Variants in SOX5 observed in about 807,000 individuals in gnomAD.
SOX5 encodes the protein transcription factor SOX-5.
In SOX5, 9 loss-of-function variants were observed where a neutral mutation model predicts 92.0. The observed-to-expected ratio is 0.10, with a 90% CI of 0.06 to 0.17. SOX5 has a LOEUF of 0.17. SOX5 is among the 10% of genes least tolerant of loss of function. SOX5 has a pLI of 1.00. For synonymous variants in SOX5, 344 were observed against 336.3 expected, an observed-to-expected ratio of 1.02 and a Z score of -0.25; for missense variants, 642 against 944.5, an observed-to-expected ratio of 0.68 and a Z score of 4.20.
chr12:24,184,517 C>A (rs1054274478), intron 4 of SOX5, among the ~76,000 whole-genome samples: 3 of 152,036 alleles, frequency 2.0e-5, no homozygotes, highest in African/African-American at 7.2e-5. Flanking sequence ...GAATAAACAT[C>A]ATGTTACTTT....
chr12:23,807,866 T>C (rs2095808612), intron 3 of SOX5, among the ~76,000 whole-genome samples: 1 of 152,154 alleles, frequency 6.6e-6, no homozygotes, highest in East Asian at 1.9e-4. Flanking sequence ...CAGGCTGGTC[T>C]TGAACTCTTG....
At position 24,165,192 on chromosome 12, in the gene SOX5, A is replaced by G. The variant is rs1052035531; in HGVS notation, c.-2+48151T>C. On this transcript the variant is annotated intron_variant, in intron 4 of 4. Transcript: ENST00000446891. Reference sequence around the variant, plus strand: ...ATAATACCTATTATTAAATGTTTTGATATCATGTGTTCCCATGACAACATA... The same window carrying G: ...ATAATACCTATTATTAAATGTTTTGGTATCATGTGTTCCCATGACAACATA... 1.4e-4 allele frequency among the ~76,000 whole-genome samples: 21 copies of G among 152,200 alleles called. No individual in the cohort carries two copies. The East Asian group carries it at 3.9e-3, about 28-fold the overall frequency.
chr12:24,527,781 A>G (rs1298167794), intron 1 of SOX5, among the ~76,000 whole-genome samples: 1 of 152,358 alleles, frequency 6.6e-6, no homozygotes, highest in East Asian at 1.9e-4. Context: ...ACATAGCACT[A>G]GCTAGTTTGT....
intron 6 of SOX5, among the ~76,000 whole-genome samples, chr12:23,685,110 C>G (rs1566964107): frequency 6.6e-6 from 1 of 152,048 alleles, no homozygotes; most frequent in Non-Finnish European, 1.5e-5. Context: ...TCAAAGTTGT[C>G]TATAGTGAAC....
chr12:23,606,744 G>A (rs2075303634), intron 8 of SOX5, among the ~76,000 whole-genome samples: 1 of 151,676 alleles, frequency 6.6e-6, no homozygotes, highest in Non-Finnish European at 1.5e-5. Context: ...ACACATATTT[G>A]GAAATAAAAG....
chr12:24,157,975 G>C (rs539623196), intron 4 of SOX5, among the ~76,000 whole-genome samples: 3 of 152,098 alleles, frequency 2.0e-5, no homozygotes, highest in South Asian at 4.1e-4. Flanking sequence ...TACTATTTCA[G>C]AGTACCTCAT....
At chr12:24,075,660 A>T (rs1465190072) in intron 4 of SOX5, among the ~76,000 whole-genome samples, 1 of 151,964 alleles carries the variant, frequency 6.6e-6, no homozygotes, top group Non-Finnish European at 1.5e-5. Flanking sequence ...TTTTTTTTTA[A>T]AAAAGACATG....
intron 3 of SOX5, among the ~76,000 whole-genome samples, chr12:23,844,224 C>T (rs892004446): frequency 2.0e-5 from 3 of 152,154 alleles, no homozygotes; most frequent in Non-Finnish European, 4.4e-5. Flanking sequence ...CGCTGCCCAG[C>T]AATGAGAGAG....
At chr12:24,180,049 A>T (rs899301819) in intron 4 of SOX5, among the ~76,000 whole-genome samples, 1 of 151,944 alleles carries the variant, frequency 6.6e-6, no homozygotes, top group Non-Finnish European at 1.5e-5. Context: ...GGCTCAAGCA[A>T]TCCTCCCACC....
rs573291043 is a variant in SOX5, at chr12:23,657,415, T to C, written c.931+8029A>G. On this transcript the variant is annotated intron_variant, in intron 7 of 14. Transcript: ENST00000451604. ...GGACTTTTTAAGTCCTTACGGAAAA[T>C]ATATATCTATTGTAGAGTTTGAAGC... Among the ~76,000 whole-genome samples, 9 of 152,210 alleles carry C rather than the reference T, an allele frequency of 5.9e-5. No homozygotes were observed. The South Asian group carries it at 1.9e-3, about 32-fold the overall frequency.
At chr12:23,607,621 G>A (rs1215865333) in intron 8 of SOX5, among the ~76,000 whole-genome samples, 2 of 150,978 alleles carry the variant, frequency 1.3e-5, no homozygotes, top group South Asian at 2.1e-4. Context: ...CGTTCTTAAA[G>A]CAAAATCAAG....
Position 23,532,809 on chromosome 12 carries a change from C to T in SOX5, c.*1410G>A, listed in dbSNP as rs1413645164. 6.2e-6 allele frequency: 1 copy of T among 160,622 alleles called. No individual in the cohort carries two copies. Among genetic ancestry groups the T allele is most frequent in the Non-Finnish European group, 1.4e-5 (1 of 73,264 alleles). 9.9% of individuals were successfully genotyped at this position (160,622 alleles called of 1,614,324 possible). A position where few individuals can be genotyped will look rare whatever the true frequency, so the allele number is the denominator to read the frequency against. ...CTTATAAAATCATCAGTTTCATTTC[C>T]TGATCGGGAAAGGATGGAATGTTGA... On this transcript the variant is annotated 3_prime_UTR_variant, in exon 15 of 15. Coordinates refer to ENST00000451604, the MANE Select transcript of SOX5 (RefSeq NM_006940.6).
chr12:24,198,532 C>T (rs576139576), intron 4 of SOX5, among the ~76,000 whole-genome samples: 8 of 152,300 alleles, frequency 5.3e-5, no homozygotes, highest in South Asian at 2.1e-4. Context: ...GTATGTGTCA[C>T]GTCTACTTGC....
intron 9 of SOX5, among the ~76,000 whole-genome samples, chr12:23,593,006 G>A (rs966903691): frequency 6.6e-6 from 1 of 152,074 alleles, no homozygotes; most frequent in African/African-American, 2.4e-5. Context: ...TTGAACCTGG[G>A]AGGCAAAGGT....
At chr12:24,158,634 T>G (rs1371050328) in intron 4 of SOX5, among the ~76,000 whole-genome samples, 2 of 151,978 alleles carry the variant, frequency 1.3e-5, no homozygotes, top group African/African-American at 4.8e-5. Flanking sequence ...AACAAACTTA[T>G]TCCAGTAAAT....
At chr12:24,172,734 G>A (rs1954348047) in intron 4 of SOX5, among the ~76,000 whole-genome samples, 1 of 152,118 alleles carries the variant, frequency 6.6e-6, no homozygotes, top group Admixed American at 6.5e-5. Context: ...ACTGTGAAGA[G>A]GATGTGAGAT....
At chr12:24,399,630 A>G (rs552936354) in intron 1 of SOX5, among the ~76,000 whole-genome samples, 2 of 152,310 alleles carry the variant, frequency 1.3e-5, no homozygotes, top group African/African-American at 2.4e-5. Flanking sequence ...TAAAAAAACA[A>G]TTGTTGAGAA....
intron 4 of SOX5, among the ~76,000 whole-genome samples, chr12:24,168,787 C>T (rs779194273): frequency 1.3e-5 from 2 of 152,122 alleles, no homozygotes; most frequent in Non-Finnish European, 2.9e-5. Flanking sequence ...GGAGGAAAAT[C>T]TTACATATCT....
chr12:24,256,171 A>T (rs377206371), intron 3 of SOX5, among the ~76,000 whole-genome samples: 3 of 152,214 alleles, frequency 2.0e-5, no homozygotes, highest in African/African-American at 7.2e-5. Context: ...GTGGCAGATA[A>T]ATGTAAGCAG....
Sources: allele counts gnomAD v4.1 joint callset (sites outside exome capture counted in the v4.1 genomes callset), GRCh38; gene constraint gnomAD v4.1.1; transcripts MANE v1.5; gene names NCBI Gene and HGNC (gene_info 2026-07-23, HGNC 2026-07-21).